NCF4: variants seen among roughly 807,000 people sequenced by gnomAD.
NCF4 encodes the protein neutrophil cytosolic factor 4.
In NCF4, 30 loss-of-function variants were observed where a neutral mutation model predicts 41.7. The observed-to-expected ratio is 0.72, with a 90% CI of 0.54 to 0.97. The LOEUF is 0.97. Among genes scored for constraint, NCF4 ranks in the 50% least tolerant of loss-of-function variants. NCF4 has a pLI of 0.00. For missense variants in NCF4, 432 were observed against 460.9 expected (o/e 0.94, Z 0.57); for synonymous variants, 195 against 175.8 (o/e 1.11, Z -0.87).
Position 36,870,407 on chromosome 22 carries a change from C to T in NCF4, c.343-8C>T, listed in dbSNP as rs759435967. 47 of 1,613,640 alleles carry T rather than the reference C, an allele frequency of 2.9e-5. No homozygotes were observed. In the East Asian group the frequency reaches 9.6e-4, roughly 33 times the overall value. ...TACCCCACCGGTTCTGCTGTCTCACCCACACAGAGCCTGCTCAGCCTGCCG... is the reference window on the plus strand; with the variant it reads ...TACCCCACCGGTTCTGCTGTCTCACTCACACAGAGCCTGCTCAGCCTGCCG... On this transcript the variant is annotated splice_region_variant and splice_polypyrimidine_tract_variant and intron_variant, in intron 4 of 9. Transcript: ENST00000248899.
Position 36,877,840 on chromosome 22 carries a change from G to C in NCF4, c.*17G>C, listed in dbSNP as rs767020866. On this transcript the variant is annotated 3_prime_UTR_variant, in exon 10 of 10. Coordinates refer to ENST00000248899, the MANE Select transcript of NCF4 (RefSeq NM_000631.5). Reference sequence around the variant, plus strand: ...ATGCCATGAGCTGACGGTGTCCCTGGAGCAGTGAGGGGACACCAGCAAAAA... The same window carrying C: ...ATGCCATGAGCTGACGGTGTCCCTGCAGCAGTGAGGGGACACCAGCAAAAA... 5 of 1,606,692 alleles carry C rather than the reference G, an allele frequency of 3.1e-6. No homozygotes were observed. In the South Asian group the frequency reaches 4.4e-5, roughly 14 times the overall value.
intron 7 of NCF4, among the ~76,000 whole-genome samples, chr22:36,874,682 A>G (rs35679708): frequency 7.9e-4 from 120 of 152,274 alleles, no homozygotes; most frequent in Middle Eastern, 6.8e-3. Context: ...GCCTTGGTTA[A>G]TATGTTTGTA....
chr22:36,872,525 G>T, intron 7 of NCF4, 100 bp downstream of exon 7: 1 of 975,602 alleles, frequency 1.0e-6, no homozygotes, highest in Non-Finnish European at 1.6e-6. Context: ...TTGGAGGTGA[G>T]GATGAAGGTG....
chr22:36,877,178 C>T (rs1390694243), intron 9 of NCF4, among the ~76,000 whole-genome samples: 1 of 152,078 alleles, frequency 6.6e-6, no homozygotes, highest in Non-Finnish European at 1.5e-5. Flanking sequence ...ACTCTGTTGC[C>T]CAGGCTGGAG....
intron 2 of NCF4, 21 bp from the exon 3 acceptor site, chr22:36,864,898 C>T: frequency 1.2e-6 from 2 of 1,613,940 alleles, no homozygotes; most frequent in Non-Finnish European, 1.7e-6. Context: ...GAGCCCTCCC[C>T]ACAACCTCTG....
rs770883606 is a variant in NCF4, at chr22:36,875,713, T to G, written c.688T>G (p.Phe230Val). ...PLSFVKILKD[F>V]PEEDDPTNWL... Reference sequence around the variant, plus strand: ...CTCCTTCGTGAAGATCCTCAAAGACTTCCCTGAGGAGGACGACCCCACCAA... The same window carrying G: ...CTCCTTCGTGAAGATCCTCAAAGACGTCCCTGAGGAGGACGACCCCACCAA... Residue 230 changes from phenylalanine to valine, a missense_variant, in exon 8 of 10, where the codon TTC becomes GTC. Coordinates refer to ENST00000248899, the MANE Select transcript of NCF4 (RefSeq NM_000631.5). 3 of 1,613,710 alleles carry G rather than the reference T, an allele frequency of 1.9e-6. No individual in the cohort carries two copies. The highest frequency in any genetic ancestry group is 2.5e-6 in the Non-Finnish European group (3 of 1,180,020).
At chr22:36,875,302 T>C (rs980855927) in intron 7 of NCF4, among the ~76,000 whole-genome samples, 8 of 152,180 alleles carry the variant, frequency 5.3e-5, no homozygotes, top group African/African-American at 1.7e-4. Context: ...AGTGCTAGGA[T>C]TACAGGTGTG....
intron 1 of NCF4, among the ~76,000 whole-genome samples, chr22:36,863,236 T>C (rs1006138626): frequency 2.0e-5 from 3 of 151,954 alleles, no homozygotes; most frequent in Non-Finnish European, 1.5e-5. Context: ...GTGAGCAGAG[T>C]CCTTGCCCTC....
intron 5 of NCF4, 118 bp from the exon 6 acceptor site, chr22:36,871,534 C>A: frequency 8.8e-7 from 1 of 1,142,212 alleles, no homozygotes; most frequent in Non-Finnish European, 1.3e-6. Context: ...CACATTTCAG[C>A]ATCTTCTGTC....
chr22:36,864,161 AC>A, intron 2 of NCF4, 32 bp downstream of exon 2: 1 of 1,552,418 alleles, frequency 6.4e-7, no homozygotes, highest in Non-Finnish European at 8.9e-7. Flanking sequence ...TCACCCAACA[AC>A]CTCTGAACTT....
chr22:36,874,877 C>A (rs892267150), intron 7 of NCF4, among the ~76,000 whole-genome samples: 5 of 152,264 alleles, frequency 3.3e-5, no homozygotes, highest in African/African-American at 1.2e-4. Context: ...CCCTTCCTCA[C>A]CCCTCATCCT....
intron 9 of NCF4, 66 bp downstream of exon 9, chr22:36,876,160 T>A: frequency 1.4e-6 from 2 of 1,420,010 alleles, no homozygotes; most frequent in Non-Finnish European, 1.9e-6. Context: ...GGAGAAATGT[T>A]AAGCACTAGT....
At chr22:36,877,607 T>A in intron 9 of NCF4, 21 bp from the exon 10 acceptor site, 1 of 1,613,984 alleles carries the variant, frequency 6.2e-7, no homozygotes, top group Non-Finnish European at 8.5e-7. Context: ...CCTTTGATTA[T>A]CCCTGACTTT....
At chr22:36,873,562 G>C (rs1940130544) in intron 7 of NCF4, among the ~76,000 whole-genome samples, 1 of 152,110 alleles carries the variant, frequency 6.6e-6, no homozygotes, top group African/African-American at 2.4e-5. Flanking sequence ...AAAGCCTTTG[G>C]GGAGGCAGGT....
At position 36,865,023 on chromosome 22, in the gene NCF4, G is replaced by C. The variant is rs377510654; in HGVS notation, c.222G>C (p.Gly74=). 9 of 1,613,522 alleles carry C rather than the reference G, an allele frequency of 5.6e-6. No individual in the cohort carries two copies. The Admixed American group carries it at 1.2e-4, about 21-fold the overall frequency. The change falls in exon 3 of 10, where the codon GGG becomes GGC. Residue 74 remains glycine, a synonymous_variant. Coordinates refer to ENST00000248899, the MANE Select transcript of NCF4 (RefSeq NM_000631.5). This position sits in a 1 kb window ranked among gnomAD's most constrained non-coding sequence, Gnocchi z 4.3. ...AGAGCAAGCTGGAGGAGCGCTTCGGGCCAGACAGCAAGAGCAGTGCCCTGG... is the reference window on the plus strand; with the variant it reads ...AGAGCAAGCTGGAGGAGCGCTTCGGCCCAGACAGCAAGAGCAGTGCCCTGG... ...ALQSKLEERF[G]PDSKSSALAC...
At chr22:36,876,913 C>T (rs1050187165) in intron 9 of NCF4, among the ~76,000 whole-genome samples, 4 of 152,184 alleles carry the variant, frequency 2.6e-5, no homozygotes, top group Admixed American at 2.6e-4. Flanking sequence ...TCTACGTACA[C>T]CAGCCAAGTA....
intron 7 of NCF4, among the ~76,000 whole-genome samples, chr22:36,872,944 G>C (rs34275024): frequency 1.8e-5 from 2 of 111,396 alleles, no homozygotes; most frequent in East Asian, 2.7e-4. Context: ...GGATGGAGGT[G>C]AGATTGGAGG....
intron 4 of NCF4, among the ~76,000 whole-genome samples, chr22:36,868,798 T>C (rs1009307041): frequency 5.3e-5 from 8 of 152,294 alleles, no homozygotes; most frequent in African/African-American, 1.7e-4. Context: ...ATTGGGTTCC[T>C]GGAAGCCAGA....
intron 7 of NCF4, among the ~76,000 whole-genome samples, chr22:36,873,859 C>G (rs537022877): frequency 1.3e-5 from 1 of 78,354 alleles, no homozygotes; most frequent in African/African-American, 3.5e-5. Flanking sequence ...GGGGTGAAAT[C>G]GCAACCACTT....
Sources: gnomAD v4.1 joint callset for allele counts (sites outside exome capture counted in the v4.1 genomes callset) on GRCh38, gnomAD v4.1.1 for gene constraint, Gnocchi (gnomAD v3.1) non-coding constraint, MANE v1.5 for transcripts, NCBI Gene and HGNC (gene_info 2026-07-23, HGNC 2026-07-21) for gene names.